The following THRB variants were observed in gnomAD, a reference collection of about 807,000 sequenced individuals.
THRB encodes nuclear receptor subfamily 1 group A member 2.
Under a neutral mutation model 47.8 loss-of-function variants are expected in THRB, and 12 were observed. The observed-to-expected ratio is 0.25, with a 90% CI of 0.16 to 0.41. The LOEUF is 0.41. Ranked by LOEUF, THRB falls within the 10% of genes least tolerant of loss-of-function variation. The pLI is 1.00. For missense variants in THRB, 348 were observed against 589.2 expected (o/e 0.59, Z 4.24); for synonymous variants, 218 against 212.2 (o/e 1.03, Z -0.24).
At chr3:24,437,164 T>TAA (rs577953351) in intron 1 of THRB, among the ~76,000 whole-genome samples, 1 of 148,682 alleles carries the variant, frequency 6.7e-6, no homozygotes, top group East Asian at 1.9e-4. Context: ...TGTATATATA[T>TAA]AACGAAATGT....
chr3:24,247,107 G>A (rs1057171299), intron 3 of THRB, among the ~76,000 whole-genome samples: 1 of 152,208 alleles, frequency 6.6e-6, no homozygotes, highest in Non-Finnish European at 1.5e-5. Flanking sequence ...TCTTGGCTTT[G>A]AGTAGAAATC....
At chr3:24,329,061 C>G (rs2061757323) in intron 2 of THRB, among the ~76,000 whole-genome samples, 1 of 152,104 alleles carries the variant, frequency 6.6e-6, no homozygotes, top group Non-Finnish European at 1.5e-5. Context: ...ATCCTTCCAC[C>G]TCAGCCTCCC....
In THRB at chr3:24,133,298, G is replaced by T. The variant is rs1237376868; in HGVS notation, c.885+18C>A. The stretch of plus-strand genomic sequence containing the variant: ...ACTATAATTAAGAATAATGCAGAAG[G>T]AAAAACAACATCCTCACCTCACAAA... On this transcript the variant is annotated intron_variant, in intron 9 of 10. Coordinates refer to ENST00000646209, the MANE Select transcript of THRB (RefSeq NM_001354712.2). 1 of 1,613,504 alleles carries T rather than the reference G, an allele frequency of 6.2e-7. No homozygotes were observed. The highest frequency in any genetic ancestry group is 8.5e-7 in the Non-Finnish European group (1 of 1,179,628).
At chr3:24,458,563 A>G (rs966368021) in intron 1 of THRB, 4 of 152,164 alleles carry the variant, frequency 2.6e-5, no homozygotes, top group African/African-American at 9.7e-5. Context: ...GTTACTAACA[A>G]TTTAGCAATT....
intron 1 of THRB, among the ~76,000 whole-genome samples, chr3:24,376,962 G>A (rs2065341083): frequency 6.6e-6 from 1 of 151,998 alleles, no homozygotes; most frequent in African/African-American, 2.4e-5. Flanking sequence ...TTTTGAGACA[G>A]GGTCTCACTC....
Position 24,201,925 on chromosome 3 carries a change from G to A in THRB, c.23-11591C>T, listed in dbSNP as rs917743670. 3.3e-5 allele frequency among the ~76,000 whole-genome samples: 5 copies of A among 152,120 alleles called. No individual in the cohort carries two copies. The South Asian group carries it at 8.3e-4, about 25-fold the overall frequency. ...TTACTATATGTTAGGCACTCATTTT[G>A]ATCAGTTTTCATTTAATTTTCATGA... On this transcript the variant is annotated intron_variant, in intron 4 of 10. Transcript: ENST00000646209.
In THRB at chr3:24,292,347, C is replaced by CT. The variant is rs2056014058; in HGVS notation, c.-43+4878dup. On this transcript the variant is annotated intron_variant, in intron 3 of 10. Transcript: ENST00000646209. ...AACATGGATTGCTTTTACTAAAATG[C>CT]TTTTTTAAGTGCTCCAGGGCCATAG... 5.9e-5 allele frequency among the ~76,000 whole-genome samples: 9 copies of CT among 152,198 alleles called. No homozygotes were observed. The South Asian group carries it at 1.7e-3, about 28-fold the overall frequency.
chr3:24,414,712 A>G (rs1433912211), intron 1 of THRB, among the ~76,000 whole-genome samples: 1 of 151,924 alleles, frequency 6.6e-6, no homozygotes, highest in Non-Finnish European at 1.5e-5. Flanking sequence ...AATATAAAAC[A>G]TCTCTTCAGC....
intron 2 of THRB, among the ~76,000 whole-genome samples, chr3:24,298,621 C>G (rs184765982): frequency 6.6e-6 from 1 of 152,186 alleles, no homozygotes; most frequent in Admixed American, 6.5e-5. Flanking sequence ...ACTTTTTACC[C>G]TAAGCCTTGT....
intron 4 of THRB, among the ~76,000 whole-genome samples, chr3:24,219,014 T>G (rs1330198797): frequency 6.6e-6 from 1 of 152,124 alleles, no homozygotes; most frequent in East Asian, 1.9e-4. Flanking sequence ...TGCCTGTAAT[T>G]CCAGCACTTT....
At chr3:24,188,860 T>TATATATATATATATATATATATATAC (rs573969398) in intron 5 of THRB, among the ~76,000 whole-genome samples, 1 of 131,154 alleles carries the variant, frequency 7.6e-6, no homozygotes, top group Non-Finnish European at 1.6e-5. Flanking sequence ...TCTCCTCAAA[T>TATATATATATATATATATATATATAC]ATATATATAT....
intron 2 of THRB, among the ~76,000 whole-genome samples, chr3:24,308,145 A>C (rs971245528): frequency 2.7e-5 from 4 of 150,826 alleles, no homozygotes; most frequent in Non-Finnish European, 3.0e-5. Flanking sequence ...CATCCTGTAC[A>C]TGTAGCCTGG....
intron 1 of THRB, chr3:24,430,037 A>T (rs1373745242): frequency 6.6e-6 from 1 of 152,010 alleles, no homozygotes; most frequent in Non-Finnish European, 1.5e-5. Context: ...CCCATTATTC[A>T]CTGTCATCCT....
At chr3:24,253,113 CAG>C (rs1251203532) in intron 3 of THRB, among the ~76,000 whole-genome samples, 2 of 152,050 alleles carry the variant, frequency 1.3e-5, no homozygotes, top group East Asian at 1.9e-4. Flanking sequence ...AGGTAACACT[CAG>C]AGATAATGTA....
chr3:24,197,990 A>G (rs1264339286), intron 4 of THRB, among the ~76,000 whole-genome samples: 1 of 152,228 alleles, frequency 6.6e-6, no homozygotes, highest in African/African-American at 2.4e-5. Context: ...CACTGACTTA[A>G]TCGGTTAGTC....
intron 1 of THRB, among the ~76,000 whole-genome samples, chr3:24,395,292 T>C (rs1359012268): frequency 6.6e-6 from 1 of 152,060 alleles, no homozygotes; most frequent in Non-Finnish European, 1.5e-5. Context: ...ATTAAAACTT[T>C]TGTGCTTCAG....
intron 5 of THRB, among the ~76,000 whole-genome samples, chr3:24,160,383 G>C (rs1427980595): frequency 6.6e-6 from 1 of 152,192 alleles, no homozygotes; most frequent in East Asian, 1.9e-4. Context: ...AACTGCCCCT[G>C]AGTGGCTGGA....
intron 3 of THRB, among the ~76,000 whole-genome samples, chr3:24,242,484 C>T (rs2049643343): frequency 6.6e-6 from 1 of 152,092 alleles, no homozygotes; most frequent in Non-Finnish European, 1.5e-5. Flanking sequence ...TGAAGAATCC[C>T]CCCTCCCCTC....
intron 1 of THRB, among the ~76,000 whole-genome samples, chr3:24,414,380 C>T (rs1208657367): frequency 6.6e-6 from 1 of 151,840 alleles, no homozygotes; most frequent in Admixed American, 6.6e-5. Context: ...TATTGGTTCT[C>T]CTTCCTGAGT....
Sources: gnomAD v4.1 joint callset for allele counts (sites outside exome capture counted in the v4.1 genomes callset) on GRCh38, gnomAD v4.1.1 for gene constraint, MANE v1.5 for transcripts, NCBI Gene and HGNC (gene_info 2026-07-23, HGNC 2026-07-21) for gene names.